Variants in NTRK1 observed in about 807,000 individuals in gnomAD.
The protein encoded by NTRK1 is neurotrophic receptor tyrosine kinase 1.
Under a neutral mutation model 86.8 loss-of-function variants are expected in NTRK1, and 62 were observed. The observed-to-expected ratio is 0.71, with a 90% CI of 0.58 to 0.88. The LOEUF is 0.88. Among genes scored for constraint, NTRK1 ranks in the 40% least tolerant of loss-of-function variants. NTRK1 has a pLI of 0.00. For synonymous variants in NTRK1, 469 were observed against 456.6 expected (o/e 1.03, Z -0.35); for missense variants, 967 against 1,078.4 (o/e 0.90, Z 1.45).
At chr1:156,830,347 C>T (rs974129841) in intron 1 of NTRK1, among the ~76,000 whole-genome samples, 4 of 152,170 alleles carry the variant, frequency 2.6e-5, no homozygotes, top group African/African-American at 9.7e-5. Context: ...GCCCAGGTTA[C>T]GAGACTGCCA....
rs1030785722 is a variant in NTRK1, at chr1:156,846,450, G to A, written c.50+4257G>A. The A allele has an allele frequency of 3.4e-5, 44 of 1,277,594 alleles. No homozygotes were observed. The African/African-American group carries it at 5.7e-4, about 17-fold the overall frequency. 79.1% of individuals were successfully genotyped at this position (1,277,594 alleles called of 1,614,324 possible). Reference sequence around the variant, plus strand: ...TCAGTGCCCCGGCTTCTCTATTTCTGGTGCCTGTGCTCCCCTGTTCTCATG... The same window carrying A: ...TCAGTGCCCCGGCTTCTCTATTTCTAGTGCCTGTGCTCCCCTGTTCTCATG... On this transcript the variant is annotated intron_variant, in intron 2 of 16. Transcript: ENST00000392302.
In NTRK1 at chr1:156,816,030, G is replaced by A. The variant is rs373057791; in HGVS notation, c.-64+192G>A. On this transcript the variant is annotated intron_variant, in intron 1 of 16. Coordinates refer to the NTRK1 transcript ENST00000392302. ...CCGCAGTGTAGCCCAGGTTCTGGCA[G>A]CTCCTGCGGGTCATGTCTGTGATCT... 5.5e-5 allele frequency: 89 copies of A among 1,613,948 alleles called. No homozygotes were observed. In the South Asian group the frequency reaches 6.4e-4, roughly 12 times the overall value.
intron 2 of NTRK1, chr1:156,852,128 A>C: frequency 6.2e-7 from 1 of 1,613,302 alleles, no homozygotes; most frequent in South Asian, 1.1e-5. Context: ...GCAGCCCCCC[A>C]GGCATTCGGT....
In NTRK1 at chr1:156,873,856, C is replaced by T. The variant is rs1278485415; in HGVS notation, c.1074C>T (p.Asn358=). 2 of 1,606,506 alleles carry T rather than the reference C, an allele frequency of 1.2e-6. No homozygotes were observed. Among genetic ancestry groups the T allele is most frequent in the South Asian group, 1.1e-5 (1 of 89,752 alleles). ...LNQPTHVNNG[N]YTLLAANPFG... ...AGCCCACCCACGTCAACAACGGCAA[C>T]TACACGCTGCTGGCTGCCAACCCCT... Residue 358 remains asparagine, a synonymous_variant, in exon 8 of 17, where the codon AAC becomes AAT. Transcript: ENST00000524377.
upstream of NTRK1, among the ~76,000 whole-genome samples, chr1:156,860,394 T>C (rs1021059801): frequency 7.9e-5 from 12 of 152,238 alleles, no homozygotes; most frequent in Non-Finnish European, 1.8e-4. Flanking sequence ...CCTTTGGTAG[T>C]CCTTTTCGTT....
Position 156,876,589 on chromosome 1 carries a change from T to C in NTRK1, c.1805+17T>C, listed in dbSNP as rs2102920250. ...CTTCCTCCGGTACCAGCACCTGGCCTCAGCGCTGGCCCCGGCCCCTGGCTC... is the reference window on the plus strand; with the variant it reads ...CTTCCTCCGGTACCAGCACCTGGCCCCAGCGCTGGCCCCGGCCCCTGGCTC... On this transcript the variant is annotated intron_variant, in intron 14 of 16. Transcript: ENST00000524377. 6.2e-7 allele frequency: 1 copy of C among 1,605,788 alleles called. No homozygotes were observed. Among genetic ancestry groups the C allele is most frequent in the Non-Finnish European group, 8.5e-7 (1 of 1,176,946 alleles).
intron 2 of NTRK1, chr1:156,849,400 G>A: frequency 1.9e-6 from 3 of 1,613,854 alleles, no homozygotes; most frequent in Non-Finnish European, 1.7e-6. Context: ...TGAGCCCCGC[G>A]GCCACCCAGG....
intron 2 of NTRK1, among the ~76,000 whole-genome samples, chr1:156,850,443 C>T (rs892742872): frequency 2.0e-5 from 3 of 151,510 alleles, no homozygotes; most frequent in East Asian, 1.9e-4. Context: ...AACTCCTGAC[C>T]GCATGGTGAT....
At chr1:156,827,571 A>T (rs1033594088) in intron 1 of NTRK1, among the ~76,000 whole-genome samples, 3 of 151,940 alleles carry the variant, frequency 2.0e-5, no homozygotes, top group Admixed American at 6.6e-5. Flanking sequence ...CTATTTTTAA[A>T]TTTTTTTGTA....
chr1:156,881,586 G>A lies in NTRK1; in HGVS notation c.2335G>A (p.Ala779Thr), dbSNP rs374957692. The change falls in exon 17 of 17, where the codon GCC becomes ACC. Residue 779 changes from alanine (A) to threonine (T), a missense_variant. Physicochemically the swap from Ala to Thr is moderately conservative, Grantham distance 58 (BLOSUM62 0). Transcript: ENST00000524377. The stretch of plus-strand genomic sequence containing the variant: ...ACGCCACAGCATCAAGGATGTGCAC[G>A]CCCGGCTGCAAGCCCTGGCCCAGGC... ...QQRHSIKDVH[A>T]RLQALAQAPP... The A allele has an allele frequency of 4.5e-5, 73 of 1,611,214 alleles. No homozygotes were observed. Among genetic ancestry groups the A allele is most frequent in the Non-Finnish European group, 5.3e-5 (63 of 1,179,136 alleles).
intron 7 of NTRK1, among the ~76,000 whole-genome samples, chr1:156,872,309 C>T (rs968170904): frequency 9.9e-5 from 15 of 152,190 alleles, no homozygotes; most frequent in East Asian, 1.9e-4. Context: ...TCTCCCTGTT[C>T]GCAATCCCAT....
rs144982040 is a variant in NTRK1, at chr1:156,830,846, C to T, written c.-63-11235C>T. On this transcript the variant is annotated intron_variant, in intron 1 of 16. Transcript: ENST00000392302. ...CTGGGATTATAGACGTGGGCCACCA[C>T]GCCCAGCAAGGTTCTGGGATTCTAT... 1.1e-4 allele frequency among the ~76,000 whole-genome samples: 16 copies of T among 152,334 alleles called. No homozygotes were observed. The East Asian group carries it at 2.7e-3, about 26-fold the overall frequency.
Position 156,840,801 on chromosome 1 carries a change from G to C in NTRK1, c.-63-1280G>C, listed in dbSNP as rs1571653554. ...GAGTTGGGGTGGGGGTGAACATTCA[G>C]GCGTCTCAGCCACAGAGGTCGGGTC... On this transcript the variant is annotated intron_variant, in intron 1 of 16. Transcript: ENST00000392302. 7 of 1,175,346 alleles carry C rather than the reference G, an allele frequency of 6.0e-6. No homozygotes were observed. In the East Asian group the frequency reaches 1.7e-4, roughly 29 times the overall value. 72.8% of individuals were successfully genotyped at this position (1,175,346 alleles called of 1,614,324 possible). A position where few individuals can be genotyped will look rare whatever the true frequency, so the allele number is the denominator to read the frequency against.
chr1:156,862,619 C>T (rs564128380), intron 1 of NTRK1, among the ~76,000 whole-genome samples: 34 of 152,292 alleles, frequency 2.2e-4, no homozygotes, highest in African/African-American at 7.9e-4. Flanking sequence ...CAGCCCCCTC[C>T]CTCCTCACTC....
chr1:156,864,405 G>C lies in NTRK1; in HGVS notation c.264G>C (p.Arg88Ser). ...AGCATCTGGAGCTCCGTGATCTGAG[G>C]GGCCTGGGGGAGCTGAGAAACCTGT... is the stretch of plus-strand genomic sequence containing the variant. The part of the protein sequence containing the change: ...HLQHLELRDL[R>S]GLGELRNLTI... Residue 88 changes from arginine (R) to serine (S), a missense_variant, in exon 2 of 17, where the codon AGG (arginine) becomes AGC (serine). Around this residue, in one of 2 missense-constraint regions of NTRK1, gnomAD observed 330 missense variants for 302.0 expected, o/e 1.09. Transcript: ENST00000524377. The C allele has an allele frequency of 6.2e-7, 1 of 1,614,148 alleles. No individual in the cohort carries two copies. The highest frequency in any genetic ancestry group is 1.1e-5 in the South Asian group (1 of 91,076).
upstream of NTRK1, among the ~76,000 whole-genome samples, chr1:156,859,676 C>T: frequency 6.6e-6 from 1 of 152,120 alleles, no homozygotes; most frequent in East Asian, 1.9e-4. This position sits in a 1 kb window ranked among gnomAD's most constrained non-coding sequence, Gnocchi z 6.2. Flanking sequence ...TCCGTCTGGT[C>T]ACCTTCTTGA....
intron 1 of NTRK1, among the ~76,000 whole-genome samples, chr1:156,829,427 G>T (rs1654406878): frequency 6.6e-6 from 1 of 152,182 alleles, no homozygotes; most frequent in African/African-American, 2.4e-5. Context: ...GAGGGCTGTG[G>T]AGTGTCTGCA....
intron 2 of NTRK1, among the ~76,000 whole-genome samples, chr1:156,847,840 G>A (rs1372027986): frequency 6.6e-6 from 1 of 152,158 alleles, no homozygotes; most frequent in Non-Finnish European, 1.5e-5. Flanking sequence ...AGGGAAGCTT[G>A]TTGAAGGGTT....
In NTRK1 at chr1:156,866,923, A is replaced by G; in HGVS notation, c.373A>G (p.Asn125Asp). 6.2e-7 allele frequency: 1 copy of G among 1,614,140 alleles called. No homozygotes were observed. Among genetic ancestry groups the G allele is most frequent in the Non-Finnish European group, 8.5e-7 (1 of 1,179,998 alleles). The change falls in exon 4 of 17, where the codon AAC becomes GAC. Residue 125 changes from asparagine to aspartate, a missense_variant. Coordinates refer to ENST00000524377, the MANE Select transcript of NTRK1 (RefSeq NM_002529.4). Reference protein sequence around the residue: ...PRLSRLNLSFNALESLSWKTV... With the variant: ...PRLSRLNLSFDALESLSWKTV... ...CCACGCCCGCAGGAATCTCTCCTTC[A>G]ACGCTCTGGAGTCTCTCTCCTGGAA...
Sources: gnomAD v4.1 joint callset for allele counts (sites outside exome capture counted in the v4.1 genomes callset) on GRCh38, gnomAD v4.1.1 for gene constraint, gnomAD v4.1.1 regional missense constraint, Gnocchi (gnomAD v3.1) non-coding constraint, MANE v1.5 for transcripts, NCBI Gene and HGNC (gene_info 2026-07-23, HGNC 2026-07-21) for gene names.